The following PKP4 variants were observed in gnomAD, a reference collection of about 807,000 sequenced individuals.
The protein encoded by PKP4 is plakophilin-4.
PKP4 carries 90 observed loss-of-function variants against 145.1 expected under a neutral mutation model. The observed-to-expected ratio is 0.62, with a 90% CI of 0.52 to 0.74. The LOEUF (loss-of-function observed/expected upper bound fraction) is 0.74. Ranked by LOEUF, PKP4 falls within the 30% of genes least tolerant of loss-of-function variation. PKP4 has a pLI of 0.00. For synonymous variants in PKP4, 563 were observed against 577.2 expected, an observed-to-expected ratio of 0.98 and a Z score of 0.35; for missense variants, 1,340 against 1,482.7, an observed-to-expected ratio of 0.90 and a Z score of 1.58.
At chr2:158,509,928 CAA>C (rs1157949200) in intron 1 of PKP4, among the ~76,000 whole-genome samples, 1 of 131,752 alleles carries the variant, frequency 7.6e-6, no homozygotes, top group Non-Finnish European at 1.6e-5. Flanking sequence ...GCCTGGGCAA[CAA>C]GAGCAAAACT....
intron 20 of PKP4, chr2:158,677,385 A>G (rs2058096956): frequency 8.1e-6 from 1 of 122,888 alleles, no homozygotes; most frequent in Non-Finnish European, 1.6e-5. Flanking sequence ...TTTTTTAAGA[A>G]TAACAAAAAT....
At chr2:158,533,076 T>A in intron 1 of PKP4, 104 bp from the exon 2 acceptor site, 1 of 1,155,776 alleles carries the variant, frequency 8.7e-7, no homozygotes, top group Middle Eastern at 3.0e-4. Context: ...GATCATGGTG[T>A]GTAGACTGTA....
intron 2 of PKP4, among the ~76,000 whole-genome samples, chr2:158,538,832 A>T (rs1402379689): frequency 6.6e-6 from 1 of 152,134 alleles, no homozygotes; most frequent in Non-Finnish European, 1.5e-5. Flanking sequence ...GTGAGCCACC[A>T]CACCTGGCCC....
At chr2:158,554,439 T>TC (rs2045907328) in intron 2 of PKP4, among the ~76,000 whole-genome samples, 3 of 151,228 alleles carry the variant, frequency 2.0e-5, no homozygotes, top group African/African-American at 7.3e-5. Flanking sequence ...ATTTTTTTTT[T>TC]TTTTGAGACG....
chr2:158,479,386 G>A (rs1692999943), intron 1 of PKP4, among the ~76,000 whole-genome samples: 1 of 151,990 alleles, frequency 6.6e-6, no homozygotes, highest in South Asian at 2.1e-4. Flanking sequence ...ACCATGCCCG[G>A]TTAATTTTTG....
chr2:158,568,461 A>G (rs1300207560), intron 2 of PKP4, among the ~76,000 whole-genome samples: 1 of 152,170 alleles, frequency 6.6e-6, no homozygotes, highest in Non-Finnish European at 1.5e-5. Flanking sequence ...AGAAATAGAC[A>G]ACACAGTAGG....
At chr2:158,566,679 T>C (rs2047015421) in intron 2 of PKP4, among the ~76,000 whole-genome samples, 1 of 152,164 alleles carries the variant, frequency 6.6e-6, no homozygotes, top group Non-Finnish European at 1.5e-5. Flanking sequence ...CAACTACAGC[T>C]TACACTCCTC....
chr2:158,673,875 C>T lies in PKP4; in HGVS notation c.3010-8C>T, dbSNP rs765578905. ...TTTGAGAGGTTTCTTTTTCTCTTAA[C>T]TCTGCAGGATGGGTGGAATCAGAAC... On this transcript the variant is annotated splice_polypyrimidine_tract_variant and splice_region_variant and intron_variant, in intron 18 of 21. Transcript: ENST00000389759. 3 of 1,580,946 alleles carry T rather than the reference C, an allele frequency of 1.9e-6. No homozygotes were observed. In the South Asian group the frequency reaches 3.3e-5, roughly 17 times the overall value.
At chr2:158,576,845 G>A (rs1161698942) in intron 2 of PKP4, among the ~76,000 whole-genome samples, 1 of 152,018 alleles carries the variant, frequency 6.6e-6, no homozygotes, top group Non-Finnish European at 1.5e-5. Flanking sequence ...AAGTGATTCT[G>A]ATCACGGGGA....
chr2:158,539,271 A>G (rs931049383), intron 2 of PKP4, among the ~76,000 whole-genome samples: 5 of 152,234 alleles, frequency 3.3e-5, no homozygotes, highest in African/African-American at 9.6e-5. Flanking sequence ...TCATTTTTAC[A>G]TAGATATCTT....
At chr2:158,522,025 T>C (rs891895924) in intron 1 of PKP4, among the ~76,000 whole-genome samples, 1 of 152,200 alleles carries the variant, frequency 6.6e-6, no homozygotes, top group Non-Finnish European at 1.5e-5. Context: ...ATTGTGTTTC[T>C]CATCAACATT....
chr2:158,577,145 A>G (rs2105782542), intron 2 of PKP4, 126 bp from the exon 3 acceptor site: 1 of 539,334 alleles, frequency 1.9e-6, no homozygotes, highest in South Asian at 3.2e-5. Flanking sequence ...TGCATTTCAC[A>G]AAGCCACACC....
chr2:158,631,901 G>A lies in PKP4; in HGVS notation c.1302G>A (p.Glu434=). 1 of 1,614,120 alleles carries A rather than the reference G, an allele frequency of 6.2e-7. No individual in the cohort carries two copies. Among genetic ancestry groups the A allele is most frequent in the Non-Finnish European group, 8.5e-7 (1 of 1,180,014 alleles). The change falls in exon 8 of 22, where the codon GAG becomes GAA. Residue 434 remains glutamate (E), a synonymous_variant. Coordinates refer to ENST00000389759, the MANE Select transcript of PKP4 (RefSeq NM_003628.6). ...GCAGCCCAAACCATGGAACTGTGGAGCTCCAAGGATCGCAGACGGCGTTGT... is the reference window on the plus strand; with the variant it reads ...GCAGCCCAAACCATGGAACTGTGGAACTCCAAGGATCGCAGACGGCGTTGT... The part of the protein sequence containing the change: ...VYRSPNHGTV[E]LQGSQTALYR...
intron 3 of PKP4, among the ~76,000 whole-genome samples, chr2:158,600,141 G>A (rs2050104089): frequency 6.6e-6 from 1 of 152,136 alleles, no homozygotes; most frequent in Admixed American, 6.5e-5. Flanking sequence ...TGTTAATTTG[G>A]TAATAAATTT....
At chr2:158,473,645 T>A (rs1691965179) in intron 1 of PKP4, among the ~76,000 whole-genome samples, 1 of 150,850 alleles carries the variant, frequency 6.6e-6, no homozygotes, top group Non-Finnish European at 1.5e-5. Context: ...AACCCTTGGG[T>A]CTACTTGAGG....
chr2:158,502,958 T>C (rs952627737), intron 1 of PKP4, among the ~76,000 whole-genome samples: 5 of 152,264 alleles, frequency 3.3e-5, no homozygotes, highest in Non-Finnish European at 5.9e-5. Flanking sequence ...TTAAGAATGC[T>C]GTGGGAATTC....
At chr2:158,653,525 C>A (rs1038118728) in intron 11 of PKP4, among the ~76,000 whole-genome samples, 1 of 152,190 alleles carries the variant, frequency 6.6e-6, no homozygotes, top group Non-Finnish European at 1.5e-5. Flanking sequence ...ATTATATGTA[C>A]TTGTTCCTGT....
intron 17 of PKP4, among the ~76,000 whole-genome samples, chr2:158,670,417 T>C (rs977359182): frequency 6.6e-6 from 1 of 152,186 alleles, no homozygotes; most frequent in Admixed American, 6.5e-5. Flanking sequence ...TCTACCCTCA[T>C]GATCTAATCA....
chr2:158,605,894 A>G (rs969498358), intron 4 of PKP4, among the ~76,000 whole-genome samples: 4 of 152,100 alleles, frequency 2.6e-5, no homozygotes, highest in African/African-American at 7.2e-5. Context: ...AGAATCATAC[A>G]TGTGGTCCTT....
Sources: allele counts gnomAD v4.1 joint callset (sites outside exome capture counted in the v4.1 genomes callset), GRCh38; gene constraint gnomAD v4.1.1; transcripts MANE v1.5; gene names NCBI Gene and HGNC (gene_info 2026-07-23, HGNC 2026-07-21).